KIAA1549L: variants seen among roughly 807,000 people sequenced by gnomAD.
KIAA1549L encodes the protein KIAA1549 like, also known as UPF0606 protein KIAA1549L.
Under a neutral mutation model 160.7 loss-of-function variants are expected in KIAA1549L, and 88 were observed. The observed-to-expected ratio is 0.55, with a 90% confidence interval of 0.46 to 0.65. The LOEUF (loss-of-function observed/expected upper bound fraction) is 0.65. Ranked by LOEUF, KIAA1549L falls within the 30% of genes least tolerant of loss-of-function variation. The probability of loss-of-function intolerance (pLI) is 0.00; values close to 1 mark genes in which losing one functional copy is unlikely to be tolerated. For missense variants in KIAA1549L, 2,258 were observed against 2,437.5 expected, an observed-to-expected ratio of 0.93 and a Z score of 1.55; for synonymous variants, 950 against 976.7, an observed-to-expected ratio of 0.97 and a Z score of 0.51.
intron 1 of KIAA1549L, among the ~76,000 whole-genome samples, chr11:33,502,041 G>A (rs1852961628): frequency 6.6e-6 from 1 of 152,156 alleles, no homozygotes. Flanking sequence ...ACAGAGAGAT[G>A]GAATTCAGAA....
chr11:33,385,070 C>T (rs1166954189), intron 1 of KIAA1549L, among the ~76,000 whole-genome samples: 1 of 151,748 alleles, frequency 6.6e-6, no homozygotes, highest in African/African-American at 2.4e-5. Context: ...TCACAAATAT[C>T]TATGATTTCT....
At chr11:33,551,303 C>A in intron 5 of KIAA1549L, 44 bp downstream of exon 5, 1 of 1,536,578 alleles carries the variant, frequency 6.5e-7, no homozygotes, top group Non-Finnish European at 8.9e-7. Flanking sequence ...TTCTTGGGTT[C>A]AGGGCCAGTA....
At chr11:33,397,844 A>G (rs187486712) in intron 1 of KIAA1549L, among the ~76,000 whole-genome samples, 75 of 144,130 alleles carry the variant, frequency 5.2e-4, no homozygotes, top group African/African-American at 4.9e-5. Flanking sequence ...AGGAAAAATC[A>G]TATAGTTTTT....
Position 33,382,304 on chromosome 11 carries a change from G to A in KIAA1549L, c.238+5415G>A, listed in dbSNP as rs140727580. On this transcript the variant is annotated intron_variant, in intron 1 of 20. Coordinates refer to ENST00000658780, the MANE Select transcript of KIAA1549L (RefSeq NM_012194.3). ...GAAGAAAGCAATCAAGGAGGAGGGC[G>A]TGATTGGCTTGGACAGATGCTGCTG... is the stretch of plus-strand genomic sequence containing the variant. 1.4e-4 allele frequency among the ~76,000 whole-genome samples: 21 copies of A among 152,268 alleles called. No individual in the cohort carries two copies. The East Asian group carries it at 1.5e-3, about 11-fold the overall frequency.
rs201050628 is a variant in KIAA1549L at position 33,544,264 on chromosome 11, A to G, written c.2701A>G (p.Ile901Val). ...ATATCACTCTGCTGCTGAATCTTCT[A>G]TATCGACCAGTGTCTTTCCCAGGAC... ...LGYHSAAESS[I>V]STSVFPRTSS... The change falls in exon 2 of 21, where the codon ATA (isoleucine) becomes GTA (valine). Residue 901 changes from isoleucine to valine, a missense_variant. By Grantham distance (29) the Ile-to-Val change is conservative (BLOSUM62 3). Transcript: ENST00000658780. 2.6e-5 allele frequency: 42 copies of G among 1,613,846 alleles called. No individual in the cohort carries two copies. Among genetic ancestry groups the G allele is most frequent in the Admixed American group, 6.7e-5 (4 of 60,006 alleles).
chr11:33,544,377 CA>C, intron 2 of KIAA1549L, 41 bp downstream of exon 2: 2 of 1,592,030 alleles, frequency 1.3e-6, no homozygotes, highest in Non-Finnish European at 8.6e-7. Context: ...CCGGTACCCC[CA>C]AAACAGGCAT....
chr11:33,636,513 T>C (rs1284614005), intron 16 of KIAA1549L, among the ~76,000 whole-genome samples: 1 of 152,016 alleles, frequency 6.6e-6, no homozygotes, highest in Non-Finnish European at 1.5e-5. Context: ...GCCTTTTTAA[T>C]AGAGATGGGG....
chr11:33,480,880 C>T (rs1301171602), intron 1 of KIAA1549L, among the ~76,000 whole-genome samples: 7 of 152,214 alleles, frequency 4.6e-5, no homozygotes, highest in South Asian at 2.1e-4. Flanking sequence ...TAGGACATCA[C>T]GTGGATGTAG....
At chr11:33,574,115 G>T (rs769608253) in intron 9 of KIAA1549L, among the ~76,000 whole-genome samples, 10 of 151,730 alleles carry the variant, frequency 6.6e-5, no homozygotes, top group Non-Finnish European at 1.0e-4. Flanking sequence ...ATTAGCTTGT[G>T]ATAGAAGGAT....
At chr11:33,518,138 C>CAAAAAAAAAAAAAAAAAAAAAA (rs560876643) in intron 1 of KIAA1549L, among the ~76,000 whole-genome samples, 5 of 59,414 alleles carry the variant, frequency 8.4e-5, no homozygotes, top group African/African-American at 2.0e-4. Context: ...GACTCTGTCT[C>CAAAAAAAAAAAAAAAAAAAAAA]AAAAAAAAAA....
intron 16 of KIAA1549L, among the ~76,000 whole-genome samples, chr11:33,632,030 C>T (rs1051503124): frequency 6.6e-6 from 1 of 152,192 alleles, no homozygotes; most frequent in Non-Finnish European, 1.5e-5. Flanking sequence ...AAACCATAGG[C>T]TGATGTCCAT....
intron 1 of KIAA1549L, among the ~76,000 whole-genome samples, chr11:33,516,868 G>A (rs1291491462): frequency 6.6e-6 from 1 of 152,192 alleles, no homozygotes; most frequent in Non-Finnish European, 1.5e-5. Context: ...AACAGTGAGA[G>A]TTATTTTACT....
At position 33,536,005 on chromosome 11, in the gene KIAA1549L, C is replaced by T. The variant is rs1368455848; in HGVS notation, c.239-5797C>T. Reference sequence around the variant, plus strand: ...ATACAGATATGTTTTACCTAATTAGCGTAGACATAATTCTAAAATCTTATG... The same window carrying T: ...ATACAGATATGTTTTACCTAATTAGTGTAGACATAATTCTAAAATCTTATG... On this transcript the variant is annotated intron_variant, in intron 1 of 20. Coordinates refer to ENST00000658780, the MANE Select transcript of KIAA1549L (RefSeq NM_012194.3). Among the ~76,000 whole-genome samples the T allele has an allele frequency of 4.6e-5, 7 of 152,232 alleles. No individual in the cohort carries two copies. The East Asian group carries it at 9.6e-4, about 21-fold the overall frequency.
intron 20 of KIAA1549L, chr11:33,665,656 G>GC (rs893938846): frequency 6.6e-6 from 1 of 152,388 alleles, no homozygotes; most frequent in Non-Finnish European, 1.5e-5. Context: ...CTGGCAGGTG[G>GC]CCCCCAACCT....
At chr11:33,399,765 C>G (rs1010791670) in intron 1 of KIAA1549L, among the ~76,000 whole-genome samples, 4 of 152,212 alleles carry the variant, frequency 2.6e-5, no homozygotes, top group African/African-American at 9.7e-5. Flanking sequence ...CTTCCCAAAC[C>G]TTGGAAATGG....
In KIAA1549L at chr11:33,501,191, A is replaced by G. The variant is rs78193321; in HGVS notation, c.239-40611A>G. Among the ~76,000 whole-genome samples the G allele has an allele frequency of 1.3e-3, 192 of 152,342 alleles. 1 individual carries two copies. The highest frequency in any genetic ancestry group is 4.5e-3 in the African/African-American group (188 of 41,590). ...GGCCTATTTGCCTACAGAAATTTCCAGGGAGAAAAGAAGACAGACCTTTGT... is the reference window on the plus strand; with the variant it reads ...GGCCTATTTGCCTACAGAAATTTCCGGGGAGAAAAGAAGACAGACCTTTGT... On this transcript the variant is annotated intron_variant, in intron 1 of 20. Coordinates refer to ENST00000658780, the MANE Select transcript of KIAA1549L (RefSeq NM_012194.3).
intron 1 of KIAA1549L, among the ~76,000 whole-genome samples, chr11:33,407,381 G>A (rs935497190): frequency 1.3e-5 from 2 of 151,742 alleles, no homozygotes; most frequent in African/African-American, 2.4e-5. Context: ...TCACTCTGTC[G>A]CTTAGGCTGG....
intron 1 of KIAA1549L, among the ~76,000 whole-genome samples, chr11:33,395,708 C>G (rs1850360150): frequency 6.6e-6 from 1 of 151,992 alleles, no homozygotes; most frequent in South Asian, 2.1e-4. Flanking sequence ...TTTCGGTAGA[C>G]AAATGGTTGT....
chr11:33,582,658 C>T (rs1855681170), intron 10 of KIAA1549L, among the ~76,000 whole-genome samples: 1 of 152,158 alleles, frequency 6.6e-6, no homozygotes, highest in African/African-American at 2.4e-5. Flanking sequence ...TGACCATCAC[C>T]CTGTTGCCCT....
Sources: gnomAD v4.1 joint callset for allele counts (sites outside exome capture counted in the v4.1 genomes callset) on GRCh38, gnomAD v4.1.1 for gene constraint, MANE v1.5 for transcripts, NCBI Gene and HGNC (gene_info 2026-07-23, HGNC 2026-07-21) for gene names.